ADGRL2: variants seen among roughly 807,000 people sequenced by gnomAD.
The protein encoded by ADGRL2 is adhesion G protein-coupled receptor L2.
Under a neutral mutation model 157.4 loss-of-function variants are expected in ADGRL2, and 44 were observed. The ratio of observed to expected loss-of-function variants is 0.28; its 90% CI spans 0.22 to 0.36. The LOEUF is 0.36. Ranked by LOEUF, ADGRL2 falls within the 10% of genes least tolerant of loss-of-function variation. The probability of loss-of-function intolerance (pLI) is 1.00; values close to 1 mark genes in which losing one functional copy is unlikely to be tolerated. For synonymous variants in ADGRL2, 585 were observed against 624.7 expected (o/e 0.94, Z 0.95); for missense variants, 1,510 against 1,768.9 (o/e 0.85, Z 2.63).
upstream of ADGRL2, among the ~76,000 whole-genome samples, chr1:81,797,691 AG>A (rs1414982214): frequency 2.5e-4 from 38 of 152,338 alleles, no homozygotes; most frequent in African/African-American, 8.9e-4. Context: ...AAAGATACTT[AG>A]ATGATAAATC....
intron 3 of ADGRL2, among the ~76,000 whole-genome samples, chr1:81,620,208 A>G (rs986393108): frequency 8.5e-5 from 13 of 152,362 alleles, no homozygotes; most frequent in African/African-American, 2.9e-4. Context: ...TGTAGGCAAT[A>G]CATAGGCAAT....
In ADGRL2 at chr1:81,959,925, C is replaced by T. The variant is rs140961384; in HGVS notation, c.2017+3865C>T. Among the ~76,000 whole-genome samples the T allele has an allele frequency of 2.6e-5, 4 of 151,918 alleles. No individual in the cohort carries two copies. In the East Asian group the frequency reaches 5.8e-4, roughly 22 times the overall value. On this transcript the variant is annotated intron_variant, in intron 11 of 23. Transcript: ENST00000686636. ...AAGTGATTCTCCTGCTTCAGCCTCC[C>T]GAGTAACTGGGATTACATGTGCTCA... is the stretch of plus-strand genomic sequence containing the variant.
chr1:81,727,254 T>C (rs1025819866), intron 1 of ADGRL2, among the ~76,000 whole-genome samples: 14 of 152,186 alleles, frequency 9.2e-5, no homozygotes, highest in Admixed American at 3.3e-4. Context: ...AATACTGGTT[T>C]ATTGCAGAAA....
At chr1:81,951,443 C>T (rs1025813727) in intron 8 of ADGRL2, among the ~76,000 whole-genome samples, 1 of 152,124 alleles carries the variant, frequency 6.6e-6, no homozygotes, top group African/African-American at 2.4e-5. Flanking sequence ...ACTGAATCCA[C>T]AGAATGCAAG....
intron 1 of ADGRL2, among the ~76,000 whole-genome samples, chr1:81,325,228 C>T (rs1334874469): frequency 6.6e-6 from 1 of 152,156 alleles, no homozygotes; most frequent in African/African-American, 2.4e-5. Context: ...CACGAAAGAA[C>T]TGTTTTTAAA....
intron 11 of ADGRL2, among the ~76,000 whole-genome samples, chr1:81,961,323 A>G (rs1172867763): frequency 6.6e-6 from 1 of 152,148 alleles, no homozygotes; most frequent in Non-Finnish European, 1.5e-5. Flanking sequence ...AAAGAAAATC[A>G]TAGATAATGT....
At chr1:81,461,266 TTTTTC>T (rs1187081431) in intron 2 of ADGRL2, among the ~76,000 whole-genome samples, 24 of 152,112 alleles carry the variant, frequency 1.6e-4, no homozygotes, top group Admixed American at 7.2e-4. Context: ...AAGCTTTCTT[TTTTTC>T]TTTTCTTTTC....
At chr1:81,660,259 A>G (rs1424202196) in intron 3 of ADGRL2, among the ~76,000 whole-genome samples, 1 of 152,178 alleles carries the variant, frequency 6.6e-6, no homozygotes. Context: ...TTAGCACTCT[A>G]AAAAGTAATA....
chr1:81,728,763 T>G (rs1165210975), intron 1 of ADGRL2, among the ~76,000 whole-genome samples: 1 of 152,178 alleles, frequency 6.6e-6, no homozygotes, highest in African/African-American at 2.4e-5. Flanking sequence ...CTCCTCTCTC[T>G]CTGCTGTAGT....
upstream of ADGRL2, among the ~76,000 whole-genome samples, chr1:81,797,220 C>A (rs929115344): frequency 6.6e-6 from 1 of 152,124 alleles, no homozygotes; most frequent in Non-Finnish European, 1.5e-5. Flanking sequence ...AATTTTATTT[C>A]TATTTCTGAA....
intron 3 of ADGRL2, among the ~76,000 whole-genome samples, chr1:81,658,949 A>G (rs191418077): frequency 2.0e-5 from 3 of 151,626 alleles, no homozygotes; most frequent in African/African-American, 7.3e-5. Context: ...ATGGGGTTTC[A>G]TCATGTTGAC....
At chr1:81,417,063 T>G (rs1342114966) in intron 1 of ADGRL2, among the ~76,000 whole-genome samples, 3 of 152,166 alleles carry the variant, frequency 2.0e-5, no homozygotes, top group African/African-American at 4.8e-5. Flanking sequence ...CCATGCTATA[T>G]TCTATGTACA....
intron 3 of ADGRL2, among the ~76,000 whole-genome samples, chr1:81,925,940 G>A (rs1233201698): frequency 6.6e-6 from 1 of 152,096 alleles, no homozygotes; most frequent in Non-Finnish European, 1.5e-5. Flanking sequence ...AACCAAGGGC[G>A]TAATCTTTAA....
intron 2 of ADGRL2, among the ~76,000 whole-genome samples, chr1:81,446,364 A>G (rs935088826): frequency 3.9e-5 from 6 of 152,182 alleles, no homozygotes; most frequent in South Asian, 2.1e-4. Context: ...TTTCAGGGGA[A>G]TGGAGGCACA....
intron 2 of ADGRL2, among the ~76,000 whole-genome samples, chr1:81,510,248 A>T (rs1438158141): frequency 6.6e-6 from 1 of 152,174 alleles, no homozygotes; most frequent in East Asian, 1.9e-4. Flanking sequence ...AAAACTGAAT[A>T]TAATAATAAT....
chr1:81,993,100 T>A lies in ADGRL2; in HGVS notation c.*1955T>A, dbSNP rs1251362992. ...ATATATATATATATTTTTTTTTTTT[T>A]TTTTTTTTTTTTTTTTTTTGGGACA... On this transcript the variant is annotated 3_prime_UTR_variant, in exon 24 of 24. Coordinates refer to ENST00000686636, the MANE Select transcript of ADGRL2 (RefSeq NM_001366006.2). 3.6e-3 allele frequency among the ~76,000 whole-genome samples: 222 copies of A among 61,448 alleles called. 1 individual carries two copies. The highest frequency in any genetic ancestry group is 0.011 in the African/African-American group (188 of 17,772). 40.3% of individuals were successfully genotyped at this position (61,448 alleles called of 152,430 possible). A position where few individuals can be genotyped will look rare whatever the true frequency, so the allele number is the denominator to read the frequency against.
intron 3 of ADGRL2, among the ~76,000 whole-genome samples, chr1:81,627,274 CT>C (rs1464255569): frequency 6.6e-6 from 1 of 152,104 alleles, no homozygotes; most frequent in Non-Finnish European, 1.5e-5. Flanking sequence ...CCCTTCATGC[CT>C]GTGTCTTTTC....
At chr1:81,816,025 C>T (rs1448681245) in intron 1 of ADGRL2, among the ~76,000 whole-genome samples, 1 of 151,512 alleles carries the variant, frequency 6.6e-6, no homozygotes, top group Non-Finnish European at 1.5e-5. Context: ...GCTCTTAGAA[C>T]AATACTAAAT....
At chr1:81,521,505 A>T (rs1445269364) in intron 2 of ADGRL2, among the ~76,000 whole-genome samples, 1 of 152,190 alleles carries the variant, frequency 6.6e-6, no homozygotes, top group Non-Finnish European at 1.5e-5. Context: ...GGAAGTAATC[A>T]TTTTGTAATA....
Sources: gnomAD v4.1 joint callset for allele counts (sites outside exome capture counted in the v4.1 genomes callset) on GRCh38, gnomAD v4.1.1 for gene constraint, MANE v1.5 for transcripts, NCBI Gene and HGNC (gene_info 2026-07-23, HGNC 2026-07-21) for gene names.